GOT1: variants seen among roughly 807,000 people sequenced by gnomAD.
GOT1 encodes the protein glutamic-oxaloacetic transaminase 1.
A neutral mutation model predicts 48.2 loss-of-function variants in GOT1; 25 were observed. The observed-to-expected ratio is 0.52, with a 90% CI of 0.38 to 0.72. GOT1 has a LOEUF of 0.72. Among genes scored for constraint, GOT1 ranks in the 30% least tolerant of loss-of-function variants. GOT1 has a pLI of 0.00. For synonymous variants in GOT1, 188 were observed against 193.8 expected, an observed-to-expected ratio of 0.97 and a Z score of 0.25; for missense variants, 380 against 520.1, an observed-to-expected ratio of 0.73 and a Z score of 2.62.
chr10:99,427,054 T>G (rs907593541), intron 1 of GOT1, among the ~76,000 whole-genome samples: 2 of 152,186 alleles, frequency 1.3e-5, no homozygotes. Context: ...TCCAAACACC[T>G]GCTATCCACA....
chr10:99,398,702 TTAAG>T (rs2134094270), intron 8 of GOT1, among the ~76,000 whole-genome samples: 1 of 152,146 alleles, frequency 6.6e-6, no homozygotes, highest in South Asian at 2.1e-4. Context: ...GAATTATTGC[TTAAG>T]TAATTAGTAC....
At chr10:99,413,798 A>G (rs991261418) in intron 2 of GOT1, among the ~76,000 whole-genome samples, 1 of 152,234 alleles carries the variant, frequency 6.6e-6, no homozygotes, top group Non-Finnish European at 1.5e-5. Flanking sequence ...ACATTCTTAA[A>G]GAAAAGAATT....
At chr10:99,400,805 G>A (rs2032664791) in intron 8 of GOT1, among the ~76,000 whole-genome samples, 1 of 152,202 alleles carries the variant, frequency 6.6e-6, no homozygotes, top group Non-Finnish European at 1.5e-5. Flanking sequence ...GCTGGGTGTG[G>A]TGGCTCATGC....
intron 5 of GOT1, among the ~76,000 whole-genome samples, chr10:99,405,081 C>T (rs992986874): frequency 1.3e-5 from 2 of 152,192 alleles, no homozygotes; most frequent in African/African-American, 2.4e-5. Flanking sequence ...CCTTAGTACT[C>T]GTCCATCTCC....
chr10:99,397,123 A>G lies in GOT1; in HGVS notation c.*424T>C. On this transcript the variant is annotated 3_prime_UTR_variant, in exon 9 of 9. Coordinates refer to ENST00000370508, the MANE Select transcript of GOT1 (RefSeq NM_002079.3). The surrounding 1 kb of genome is among the most constrained non-coding windows in gnomAD (Gnocchi z 5.4). ...GGGAGACCAGACACTCTGGGTTGAGATGATGAATTTAATGCCGCAGCCGAC... is the reference window on the plus strand; with the variant it reads ...GGGAGACCAGACACTCTGGGTTGAGGTGATGAATTTAATGCCGCAGCCGAC... 1 of 171,580 alleles carries G rather than the reference A, an allele frequency of 5.8e-6. No individual in the cohort carries two copies. The highest frequency in any genetic ancestry group is 1.3e-5 in the Non-Finnish European group (1 of 78,434). 10.6% of individuals were successfully genotyped at this position (171,580 alleles called of 1,614,324 possible). A position where few individuals can be genotyped will look rare whatever the true frequency, so the allele number is the denominator to read the frequency against.
At position 99,420,428 on chromosome 10, in the gene GOT1, C is replaced by G. The variant is rs937909830; in HGVS notation, c.300+196G>C. On this transcript the variant is annotated intron_variant, in intron 2 of 8. Coordinates refer to ENST00000370508, the MANE Select transcript of GOT1 (RefSeq NM_002079.3). ...AAATCTGATGATCTACTGGGCAAAA[C>G]TGAACAAGTGAAAAAGCCGTGCTTT... The G allele has an allele frequency of 7.4e-6, 4 of 537,472 alleles. No individual in the cohort carries two copies. The African/African-American group carries it at 7.6e-5, about 10-fold the overall frequency. The allele number at this position is 537,472 out of a possible 1,614,324, so 33.3% of individuals were successfully genotyped here. A position where few individuals can be genotyped will look rare whatever the true frequency, so the allele number is the denominator to read the frequency against.
intron 4 of GOT1, 71 bp from the exon 5 acceptor site, chr10:99,405,931 G>A (rs1183653979): frequency 3.3e-6 from 3 of 919,876 alleles, no homozygotes. Context: ...GCAGCAGATT[G>A]GTCAGTGATG....
intron 8 of GOT1, among the ~76,000 whole-genome samples, chr10:99,398,675 A>C (rs538138510): frequency 5.5e-4 from 83 of 152,222 alleles, no homozygotes; most frequent in Non-Finnish European, 1.0e-3. Flanking sequence ...TGTCTCAAAA[A>C]AAAAAAGAAT....
Position 99,406,069 on chromosome 10 carries a change from G to A in GOT1, c.537+68C>T, listed in dbSNP as rs865793511. ...TCTCAGACTCCTTCACTTAGCAACT[G>A]GTCCAAAGACTTTGCCTGAGATTCC... On this transcript the variant is annotated intron_variant, in intron 4 of 8. Coordinates refer to ENST00000370508, the MANE Select transcript of GOT1 (RefSeq NM_002079.3). 1.0e-5 allele frequency: 11 copies of A among 1,076,536 alleles called. No individual in the cohort carries two copies. The Middle Eastern group carries it at 8.0e-4, about 78-fold the overall frequency. 66.7% of individuals were successfully genotyped at this position (1,076,536 alleles called of 1,614,324 possible).
intron 1 of GOT1, among the ~76,000 whole-genome samples, chr10:99,423,991 C>T (rs935785323): frequency 6.6e-6 from 1 of 152,048 alleles, no homozygotes; most frequent in African/African-American, 2.4e-5. Context: ...CATGATATAC[C>T]CCTTAGTCCA....
At chr10:99,427,417 C>G (rs920286080) in intron 1 of GOT1, among the ~76,000 whole-genome samples, 1 of 152,150 alleles carries the variant, frequency 6.6e-6, no homozygotes, top group Non-Finnish European at 1.5e-5. Context: ...TGCAGGCGCC[C>G]GCCACCACGC....
At chr10:99,424,188 G>A (rs891810635) in intron 1 of GOT1, among the ~76,000 whole-genome samples, 2 of 152,126 alleles carry the variant, frequency 1.3e-5, no homozygotes, top group African/African-American at 4.8e-5. Context: ...TGTTTCTAGA[G>A]GCAACATCTC....
At chr10:99,415,950 T>C (rs985287699) in intron 2 of GOT1, among the ~76,000 whole-genome samples, 1 of 152,186 alleles carries the variant, frequency 6.6e-6, no homozygotes, top group African/African-American at 2.4e-5. Context: ...CTCAAAATAA[T>C]AAGAGCTATC....
At position 99,397,469 on chromosome 10, in the gene GOT1, T is replaced by C. The variant is rs1191121672; in HGVS notation, c.*78A>G. On this transcript the variant is annotated 3_prime_UTR_variant, in exon 9 of 9. Coordinates refer to ENST00000370508, the MANE Select transcript of GOT1 (RefSeq NM_002079.3). The surrounding 1 kb of genome is among the most constrained non-coding windows in gnomAD (Gnocchi z 5.4). ...CTGCAAGTGTCTCTAATCCATGGTA[T>C]GTACATGTAGGTTTGTGCAGGCAGG... The C allele has an allele frequency of 3.5e-5, 51 of 1,440,224 alleles. No individual in the cohort carries two copies. Among genetic ancestry groups the C allele is most frequent in the Non-Finnish European group, 4.9e-5 (50 of 1,025,886 alleles). 89.2% of individuals were successfully genotyped at this position (1,440,224 alleles called of 1,614,324 possible).
At chr10:99,407,402 G>A (rs2032774222) in intron 2 of GOT1, among the ~76,000 whole-genome samples, 1 of 151,696 alleles carries the variant, frequency 6.6e-6, no homozygotes, top group Admixed American at 6.6e-5. Flanking sequence ...TGATGCATGA[G>A]TACTACTTTC....
chr10:99,408,844 G>GT (rs983818357), intron 2 of GOT1, among the ~76,000 whole-genome samples: 2 of 152,046 alleles, frequency 1.3e-5, no homozygotes, highest in Non-Finnish European at 2.9e-5. Context: ...TCTATAAGTC[G>GT]TTTTTTTAAA....
chr10:99,399,607 C>CA (rs1415871146), intron 8 of GOT1, among the ~76,000 whole-genome samples: 1 of 150,498 alleles, frequency 6.6e-6, no homozygotes, highest in Non-Finnish European at 1.5e-5. Flanking sequence ...CCTGTCTCTA[C>CA]AAAAAAATCT....
intron 1 of GOT1, among the ~76,000 whole-genome samples, chr10:99,428,612 C>T (rs972724444): frequency 7.2e-5 from 11 of 152,194 alleles, no homozygotes; most frequent in African/African-American, 2.7e-4. Context: ...CCTGCCTTGG[C>T]CTCCCAAAGT....
chr10:99,415,010 C>T (rs559548147), intron 2 of GOT1, among the ~76,000 whole-genome samples: 1 of 151,510 alleles, frequency 6.6e-6, no homozygotes, highest in East Asian at 2.0e-4. Flanking sequence ...AAATTCACAC[C>T]CTAACATCAC....
Sources: gnomAD v4.1 joint callset for allele counts (sites outside exome capture counted in the v4.1 genomes callset) on GRCh38, gnomAD v4.1.1 for gene constraint, Gnocchi (gnomAD v3.1) non-coding constraint, MANE v1.5 for transcripts, NCBI Gene and HGNC (gene_info 2026-07-23, HGNC 2026-07-21) for gene names.